WSCD1: variants seen among roughly 807,000 people sequenced by gnomAD.
The protein encoded by WSCD1 is WSC domain sialate O sulfotransferase 1, also known as sialate:O-sulfotransferase 1.
A neutral mutation model predicts 60.4 loss-of-function variants in WSCD1; 41 were observed. The ratio of observed to expected loss-of-function variants is 0.68; its 90% CI spans 0.53 to 0.88. The LOEUF (loss-of-function observed/expected upper bound fraction) is 0.88, where lower values mean the gene tolerates loss of function less well. Ranked by LOEUF, WSCD1 falls within the 40% of genes least tolerant of loss-of-function variation. WSCD1 has a pLI of 0.00. For synonymous variants in WSCD1, 361 were observed against 332.5 expected (o/e 1.09, Z -0.93); for missense variants, 784 against 796.2 (o/e 0.98, Z 0.18).
chr17:6,103,091 T>A (rs1567558029), intron 5 of WSCD1, among the ~76,000 whole-genome samples: 2 of 152,180 alleles, frequency 1.3e-5, no homozygotes, highest in Non-Finnish European at 2.9e-5. Context: ...TCCACCACTT[T>A]CTCATTTTGT....
intron 1 of WSCD1, among the ~76,000 whole-genome samples, chr17:6,073,571 G>T (rs139885760): frequency 6.6e-6 from 1 of 152,168 alleles, no homozygotes; most frequent in East Asian, 1.9e-4. Flanking sequence ...CGGAGGTTGC[G>T]GTGAGCCAAG....
At position 6,123,742 on chromosome 17, in the gene WSCD1, C is replaced by T. The variant is rs1035929008; in HGVS notation, c.*3081C>T. The T allele has an allele frequency of 1.3e-5, 2 of 152,102 alleles. No homozygotes were observed. The highest frequency in any genetic ancestry group is 6.5e-5 in the Admixed American group (1 of 15,282). The allele number at this position is 152,102 out of a possible 1,614,324, so 9.4% of individuals were successfully genotyped here. A position where few individuals can be genotyped will look rare whatever the true frequency, so the allele number is the denominator to read the frequency against. The stretch of plus-strand genomic sequence containing the variant: ...ATTTCACTATAGGGAGAAATTGATT[C>T]GTCTGACTTCCTATTTATCACCACT... On this transcript the variant is annotated 3_prime_UTR_variant, in exon 9 of 9. Coordinates refer to ENST00000317744, the MANE Select transcript of WSCD1 (RefSeq NM_015253.2).
At chr17:6,089,830 A>G (rs568862004) in intron 3 of WSCD1, among the ~76,000 whole-genome samples, 11 of 152,294 alleles carry the variant, frequency 7.2e-5, no homozygotes, top group African/African-American at 1.4e-4. Context: ...AGAGGGACCA[A>G]CGGGGCTGGT....
At chr17:6,081,946 G>A (rs1351208674) in intron 2 of WSCD1, 2 of 152,136 alleles carry the variant, frequency 1.3e-5, no homozygotes. Context: ...GGGCCAGCAG[G>A]CTTTGTATTT....
At chr17:6,095,814 G>T (rs1287550769) in intron 5 of WSCD1, among the ~76,000 whole-genome samples, 2 of 152,168 alleles carry the variant, frequency 1.3e-5, no homozygotes, top group South Asian at 2.1e-4. Context: ...CAAGGCTGGG[G>T]GAGACCCAGC....
rs1321846756 is a variant in WSCD1 at position 6,123,828 on chromosome 17, G to A, written c.*3167G>A. 2 of 152,196 alleles carry A rather than the reference G, an allele frequency of 1.3e-5. No homozygotes were observed. The highest frequency in any genetic ancestry group is 3.9e-4 in the East Asian group (2 of 5,192). The allele number at this position is 152,196 out of a possible 1,614,324, so 9.4% of individuals were successfully genotyped here. ...TAAAGTAGAGTGGAAATAATGTAGA[G>A]TCGTCAGACTGAAAGGCCAGGTTGT... On this transcript the variant is annotated 3_prime_UTR_variant, in exon 9 of 9. Coordinates refer to ENST00000317744, the MANE Select transcript of WSCD1 (RefSeq NM_015253.2).
At chr17:6,070,916 G>A (rs1908503133) in intron 1 of WSCD1, among the ~76,000 whole-genome samples, 1 of 151,620 alleles carries the variant, frequency 6.6e-6, no homozygotes, top group Admixed American at 6.6e-5. Context: ...ATGGGGTGGG[G>A]GTGCGCGAGG....
rs1567563609 is a variant in WSCD1 at position 6,120,408 on chromosome 17, A to AGC, written c.1476_1477dup (p.Leu493ArgfsTer21). The AGC allele has an allele frequency of 6.2e-7, 1 of 1,614,036 alleles. No individual in the cohort carries two copies. The highest frequency in any genetic ancestry group is 1.1e-5 in the South Asian group (1 of 91,080). On this transcript the variant is annotated frameshift_variant, in exon 9 of 9. Coordinates refer to ENST00000317744, the MANE Select transcript of WSCD1 (RefSeq NM_015253.2). LOFTEE classifies it high-confidence loss of function. ...CGGCTGCTGGTGGTGCACTACGAGGAGCTGCGGCGCAGCCTGGTGCCCACG... is the reference window on the plus strand; with the variant it reads ...CGGCTGCTGGTGGTGCACTACGAGGAGCGCTGCGGCGCAGCCTGGTGCCCACG...
intron 2 of WSCD1, among the ~76,000 whole-genome samples, chr17:6,086,205 C>T (rs9675253): frequency 0.54 from 77,434 of 143,454 alleles, 22,375 homozygotes; most frequent in Non-Finnish European, 0.63. Flanking sequence ...AACCTGGGGC[C>T]CTGGATATTG....
intron 4 of WSCD1, among the ~76,000 whole-genome samples, chr17:6,092,337 C>T (rs540152754): frequency 5.8e-4 from 88 of 152,014 alleles, no homozygotes; most frequent in Non-Finnish European, 9.1e-4. Context: ...AGAGCTGCTC[C>T]GTGTTTGACC....
chr17:6,102,940 G>T lies in WSCD1; in HGVS notation c.850-6667G>T, dbSNP rs149683622. 6.5e-3 allele frequency among the ~76,000 whole-genome samples: 993 copies of T among 152,270 alleles called. 15 individuals carry two copies. Among genetic ancestry groups the T allele is most frequent in the African/African-American group, 0.023 (947 of 41,562 alleles). On this transcript the variant is annotated intron_variant, in intron 5 of 8. Transcript: ENST00000317744. ...GGGCTATATTGGCAGATAAGGAATT[G>T]CTGGGGCAAAGGATAGGTACATTTT...
intron 1 of WSCD1, among the ~76,000 whole-genome samples, chr17:6,072,872 A>G (rs1018788796): frequency 6.6e-6 from 1 of 152,210 alleles, no homozygotes; most frequent in Non-Finnish European, 1.5e-5. Flanking sequence ...GGAACTCTGC[A>G]TATGCCCTGC....
At chr17:6,111,067 G>C in intron 7 of WSCD1, 132 bp downstream of exon 7, 1 of 1,026,434 alleles carries the variant, frequency 9.7e-7, no homozygotes, top group Non-Finnish European at 1.3e-6. Context: ...ACCTGTGGGT[G>C]GAGCCACTGT....
Position 6,080,848 on chromosome 17 carries a change from G to T in WSCD1, c.190G>T (p.Val64Leu). ...GCCAGTGGCCGCCGTGGCGCTGGGCGTGGGCTTGCTGGACAGCAGAGCCCT... is the reference window on the plus strand; with the variant it reads ...GCCAGTGGCCGCCGTGGCGCTGGGCTTGGGCTTGCTGGACAGCAGAGCCCT... ...TLPVAAVALGVGLLDSRALHD... is the reference protein window; with the variant it reads ...TLPVAAVALGLGLLDSRALHD... Residue 64 changes from valine (V) to leucine (L), a missense_variant, in exon 2 of 9, where the codon GTG becomes TTG. Coordinates refer to ENST00000317744, the MANE Select transcript of WSCD1 (RefSeq NM_015253.2). This position sits in a 1 kb window ranked among gnomAD's most constrained non-coding sequence, Gnocchi z 6.6. 1 of 1,606,634 alleles carries T rather than the reference G, an allele frequency of 6.2e-7. No individual in the cohort carries two copies. Among genetic ancestry groups the T allele is most frequent in the Non-Finnish European group, 8.5e-7 (1 of 1,178,388 alleles).
intron 5 of WSCD1, among the ~76,000 whole-genome samples, chr17:6,107,950 T>G (rs908084251): frequency 2.0e-5 from 3 of 152,098 alleles, no homozygotes; most frequent in Admixed American, 2.0e-4. Context: ...CAATAGCCTA[T>G]CATGCACTGA....
At chr17:6,073,322 A>G (rs1449671708) in intron 1 of WSCD1, among the ~76,000 whole-genome samples, 2 of 152,188 alleles carry the variant, frequency 1.3e-5, no homozygotes, top group Non-Finnish European at 2.9e-5. Context: ...AGTAAACAAA[A>G]TAAGATTCTA....
intron 7 of WSCD1, among the ~76,000 whole-genome samples, chr17:6,114,581 T>C (rs1911594312): frequency 6.6e-6 from 1 of 152,096 alleles, no homozygotes; most frequent in African/African-American, 2.4e-5. Context: ...TATTAAACAT[T>C]GTATACATGC....
intron 1 of WSCD1, among the ~76,000 whole-genome samples, chr17:6,074,597 C>A (rs2150525682): frequency 6.6e-6 from 1 of 152,338 alleles, no homozygotes; most frequent in East Asian, 1.9e-4. Context: ...CTGCTTAGTG[C>A]CTAGCACTGA....
chr17:6,074,497 T>G (rs956836271), intron 1 of WSCD1, among the ~76,000 whole-genome samples: 6 of 152,196 alleles, frequency 3.9e-5, no homozygotes, highest in Non-Finnish European at 8.8e-5. Context: ...TTGACAGGCC[T>G]ACAGGCTGGA....
Sources: allele counts gnomAD v4.1 joint callset (sites outside exome capture counted in the v4.1 genomes callset), GRCh38; gene constraint gnomAD v4.1.1; non-coding constraint Gnocchi (gnomAD v3.1); transcripts MANE v1.5; gene names NCBI Gene and HGNC (gene_info 2026-07-23, HGNC 2026-07-21).